The following LRRTM4 variants were observed in gnomAD, a reference collection of about 807,000 sequenced individuals.
The protein encoded by LRRTM4 is leucine rich repeat transmembrane neuronal 4.
LRRTM4 carries 25 observed loss-of-function variants against 47.6 expected under a neutral mutation model. That is an observed-to-expected ratio of 0.53 (90% CI 0.38 to 0.73). The LOEUF is 0.73. Among genes scored for constraint, LRRTM4 ranks in the 30% least tolerant of loss-of-function variants. The pLI is 0.00. For synonymous variants in LRRTM4, 311 were observed against 269.5 expected (o/e 1.15, Z -1.51); for missense variants, 638 against 713.4 (o/e 0.89, Z 1.20).
intron 3 of LRRTM4, chr2:77,516,666 T>C: frequency 1.0e-6 from 1 of 979,828 alleles, no homozygotes; most frequent in Non-Finnish European, 1.2e-6. Flanking sequence ...TGTTAGACTT[T>C]TATAGAAAAT....
At chr2:76,974,918 AAT>A (rs1676367506) in intron 3 of LRRTM4, among the ~76,000 whole-genome samples, 2 of 151,712 alleles carry the variant, frequency 1.3e-5, no homozygotes, top group South Asian at 4.1e-4. Flanking sequence ...TTTTAATAAT[AAT>A]ATCTTTTTTC....
intron 3 of LRRTM4, among the ~76,000 whole-genome samples, chr2:76,880,952 G>A (rs1215072911): frequency 6.6e-6 from 1 of 152,130 alleles, no homozygotes; most frequent in East Asian, 1.9e-4. Context: ...AGGGTACAGG[G>A]AGTGGGGGAT....
chr2:76,924,840 G>A (rs1039506631), intron 3 of LRRTM4, among the ~76,000 whole-genome samples: 1 of 151,902 alleles, frequency 6.6e-6, no homozygotes, highest in African/African-American at 2.4e-5. Flanking sequence ...AAACCCCATG[G>A]ATTCATACAT....
chr2:77,367,551 T>G, intron 3 of LRRTM4, among the ~76,000 whole-genome samples: 1 of 151,888 alleles, frequency 6.6e-6, no homozygotes, highest in East Asian at 1.9e-4. Flanking sequence ...ACTTCTGAAC[T>G]TCTGACAATT....
chr2:77,207,323 T>C (rs1004653812), intron 3 of LRRTM4, among the ~76,000 whole-genome samples: 15 of 142,616 alleles, frequency 1.1e-4, no homozygotes, highest in African/African-American at 4.0e-4. Flanking sequence ...TGTATGTGTT[T>C]ATGTTTTTCC....
At chr2:77,424,915 C>G (rs1296394415) in intron 3 of LRRTM4, among the ~76,000 whole-genome samples, 3 of 152,198 alleles carry the variant, frequency 2.0e-5, no homozygotes, top group Non-Finnish European at 4.4e-5. Context: ...TTTCTCAGAG[C>G]TCCAGGAGGT....
At chr2:77,258,051 G>A (rs1675817635) in intron 3 of LRRTM4, among the ~76,000 whole-genome samples, 1 of 151,268 alleles carries the variant, frequency 6.6e-6, no homozygotes, top group East Asian at 2.0e-4. Flanking sequence ...AGCCGAGTTA[G>A]TGCCATTGCA....
Position 76,824,659 on chromosome 2 carries a change from G to A in LRRTM4, c.1552-75743C>T, listed in dbSNP as rs138314061. Among the ~76,000 whole-genome samples the A allele has an allele frequency of 4.7e-5, 7 of 148,802 alleles. No homozygotes were observed. The East Asian group carries it at 1.4e-3, about 29-fold the overall frequency. The stretch of plus-strand genomic sequence containing the variant: ...TATTTGTATATATTTGGCTGTTTGT[G>A]GATATTTGCATAATAAGCAACCAGT... On this transcript the variant is annotated intron_variant, in intron 3 of 3. Transcript: ENST00000409884.
chr2:76,951,058 A>G (rs1675477247), intron 3 of LRRTM4, among the ~76,000 whole-genome samples: 1 of 152,036 alleles, frequency 6.6e-6, no homozygotes, highest in African/African-American at 2.4e-5. Flanking sequence ...AGTGTAGCAC[A>G]TGTAATTTAA....
At chr2:76,803,665 AAAAG>A (rs1419246008) in intron 3 of LRRTM4, among the ~76,000 whole-genome samples, 1 of 152,164 alleles carries the variant, frequency 6.6e-6, no homozygotes, top group East Asian at 1.9e-4. Flanking sequence ...GTATTTGAAG[AAAAG>A]AGTTAACATG....
At chr2:77,423,155 A>T (rs1674969503) in intron 3 of LRRTM4, among the ~76,000 whole-genome samples, 1 of 152,152 alleles carries the variant, frequency 6.6e-6, no homozygotes, top group African/African-American at 2.4e-5. Flanking sequence ...CCCATAAAAT[A>T]AGCATAACTT....
At position 76,898,549 on chromosome 2, in the gene LRRTM4, G is replaced by A. The variant is rs559949079; in HGVS notation, c.1552-149633C>T. ...GCCAGGGTAACAAGAGCAAAGCTCC[G>A]TCTCAAAAAAAAAAAAAAAAAAAAA... On this transcript the variant is annotated intron_variant, in intron 3 of 3. Transcript: ENST00000409884. Among the ~76,000 whole-genome samples, 76 of 92,914 alleles carry A rather than the reference G, an allele frequency of 8.2e-4. 1 individual carries two copies. The South Asian group carries it at 0.023, about 28-fold the overall frequency. 61.0% of individuals were successfully genotyped at this position (92,914 alleles called of 152,430 possible).
At chr2:77,024,476 G>A (rs1168469224) in intron 3 of LRRTM4, among the ~76,000 whole-genome samples, 5 of 147,592 alleles carry the variant, frequency 3.4e-5, no homozygotes, top group Non-Finnish European at 7.4e-5. Flanking sequence ...CATGTCATTG[G>A]TTGCAAAGGG....
intron 3 of LRRTM4, among the ~76,000 whole-genome samples, chr2:77,251,042 G>A (rs891156095): frequency 2.2e-4 from 34 of 151,916 alleles, no homozygotes; most frequent in Middle Eastern, 3.4e-3. Context: ...GGTGGAGGTT[G>A]CAGTGAGCCG....
chr2:77,192,261 A>C lies in LRRTM4; in HGVS notation c.1551+326057T>G, dbSNP rs528886881. 6.7e-4 allele frequency among the ~76,000 whole-genome samples: 102 copies of C among 152,240 alleles called. No homozygotes were observed. The South Asian group carries it at 0.019, about 29-fold the overall frequency. Reference sequence around the variant, plus strand: ...CAAAATAAAGAGCTACATTGTTTGAATCAAGATTTTTGCTATACATGCATT... The same window carrying C: ...CAAAATAAAGAGCTACATTGTTTGACTCAAGATTTTTGCTATACATGCATT... On this transcript the variant is annotated intron_variant, in intron 3 of 3. Coordinates refer to ENST00000409884, the MANE Select transcript of LRRTM4 (RefSeq NM_001134745.3).
chr2:76,939,130 T>G (rs535185376), intron 3 of LRRTM4, among the ~76,000 whole-genome samples: 29 of 149,518 alleles, frequency 1.9e-4, no homozygotes, highest in Admixed American at 5.3e-4. Context: ...TTAGCAATTT[T>G]CTTTTACTGG....
At chr2:77,218,376 T>A (rs1458765539) in intron 3 of LRRTM4, among the ~76,000 whole-genome samples, 2 of 152,086 alleles carry the variant, frequency 1.3e-5, no homozygotes, top group Non-Finnish European at 2.9e-5. Flanking sequence ...ATTTCAGACT[T>A]TTTTTATCTT....
At position 77,304,756 on chromosome 2, in the gene LRRTM4, C is replaced by T. The variant is rs567551200; in HGVS notation, c.1551+213562G>A. On this transcript the variant is annotated intron_variant, in intron 3 of 3. Coordinates refer to ENST00000409884, the MANE Select transcript of LRRTM4 (RefSeq NM_001134745.3). ...TTTTCCCTACATTATCTCATTTACT[C>T]TTAAACCAGGTGAAATTGGTATTAT... is the stretch of plus-strand genomic sequence containing the variant. Among the ~76,000 whole-genome samples the T allele has an allele frequency of 1.5e-3, 224 of 152,138 alleles. 1 individual carries two copies. The highest frequency in any genetic ancestry group is 5.2e-3 in the African/African-American group (217 of 41,538).
intron 3 of LRRTM4, among the ~76,000 whole-genome samples, chr2:77,508,468 G>A (rs1296941956): frequency 4.6e-5 from 7 of 152,066 alleles, no homozygotes. Flanking sequence ...TCAACCACTG[G>A]CCAAATCCCC....
Sources: allele counts gnomAD v4.1 joint callset (sites outside exome capture counted in the v4.1 genomes callset), GRCh38; gene constraint gnomAD v4.1.1; transcripts MANE v1.5; gene names NCBI Gene and HGNC (gene_info 2026-07-23, HGNC 2026-07-21).